NHS: variants seen among roughly 807,000 people sequenced by gnomAD.
NHS encodes actin remodeling regulator NHS.
A neutral mutation model predicts 72.5 loss-of-function variants in NHS; 5 were observed. The ratio of observed to expected loss-of-function variants is 0.07; its 90% CI spans 0.04 to 0.14. The LOEUF (loss-of-function observed/expected upper bound fraction) is 0.14. NHS is among the 10% of genes least tolerant of loss of function. The pLI is 1.00. For missense variants in NHS, 1,072 were observed against 1,355.7 expected (o/e 0.79, Z 3.29); for synonymous variants, 464 against 547.7 (o/e 0.85, Z 2.13).
chrX:17,529,396 G>C (rs866844659), intron 1 of NHS, among the ~76,000 whole-genome samples: 3 of 111,867 alleles, frequency 2.7e-5, no homozygotes, highest in Non-Finnish European at 5.6e-5. Context: ...TATATGAAGA[G>C]CAATCAAAAG....
intron 1 of NHS, among the ~76,000 whole-genome samples, chrX:17,551,168 G>A (rs2065334215): frequency 9.0e-6 from 1 of 111,554 alleles, no homozygotes; most frequent in Admixed American, 9.5e-5. Flanking sequence ...TGTATTTTGT[G>A]TATGAGTTTT....
At chrX:17,452,466 T>C (rs1990383904) in intron 1 of NHS, among the ~76,000 whole-genome samples, 1 of 110,064 alleles carries the variant, frequency 9.1e-6, no homozygotes, top group Non-Finnish European at 1.9e-5. Context: ...TACTCCACCA[T>C]TCCCTGGGCT....
intron 1 of NHS, among the ~76,000 whole-genome samples, chrX:17,487,296 C>T: frequency 8.9e-6 from 1 of 112,002 alleles, no homozygotes; most frequent in Non-Finnish European, 1.9e-5. Context: ...GCAGGAATTC[C>T]ACTCTTGTGA....
At chrX:17,728,477 G>A in intron 7 of NHS, 149 bp downstream of exon 7, 2 of 882,101 alleles carry the variant, frequency 2.3e-6, no homozygotes, top group Non-Finnish European at 3.3e-6. Context: ...TGAGATAAAA[G>A]CTTTTGTTAC....
At chrX:17,516,579 A>G (rs989173094) in intron 1 of NHS, among the ~76,000 whole-genome samples, 192 of 106,997 alleles carry the variant, frequency 1.8e-3, no homozygotes, top group African/African-American at 6.7e-3. Context: ...GCGCACACAC[A>G]CACACACACA....
chrX:17,708,848 T>C (rs985171035), intron 3 of NHS, among the ~76,000 whole-genome samples: 4 of 111,338 alleles, frequency 3.6e-5, no homozygotes, highest in African/African-American at 1.3e-4. Flanking sequence ...AGGCCAGATA[T>C]TGAAGGATCT....
intron 1 of NHS, among the ~76,000 whole-genome samples, chrX:17,448,479 C>G (rs2064792047): frequency 8.9e-6 from 1 of 111,942 alleles, no homozygotes. Context: ...CCCACTGTGG[C>G]TGGGGGCCCA....
At chrX:17,486,050 C>T (rs2064966195) in intron 1 of NHS, among the ~76,000 whole-genome samples, 1 of 111,655 alleles carries the variant, frequency 9.0e-6, no homozygotes, top group Non-Finnish European at 1.9e-5. Context: ...GATTTCACTG[C>T]AGGAACTAAA....
chrX:17,514,604 C>T (rs778370411), intron 1 of NHS, among the ~76,000 whole-genome samples: 1 of 111,929 alleles, frequency 8.9e-6, no homozygotes, highest in East Asian at 2.8e-4. Context: ...AGGACTTCAC[C>T]TTGTGATCAT....
intron 1 of NHS, among the ~76,000 whole-genome samples, chrX:17,679,072 A>G (rs1276947564): frequency 9.0e-6 from 1 of 110,836 alleles, no homozygotes; most frequent in Non-Finnish European, 1.9e-5. Context: ...CTCTTCTAAA[A>G]TATCATCAGG....
At chrX:17,706,967 C>G (rs1179614749) in intron 3 of NHS, among the ~76,000 whole-genome samples, 1 of 112,182 alleles carries the variant, frequency 8.9e-6, no homozygotes. Flanking sequence ...TGAGTCCACA[C>G]AGCCACTACT....
chrX:17,516,267 G>A (rs370005157), intron 1 of NHS, among the ~76,000 whole-genome samples: 40 of 111,415 alleles, frequency 3.6e-4, no homozygotes, highest in African/African-American at 1.3e-3. Flanking sequence ...TGTGACAACT[G>A]GCCACCATAT....
At chrX:17,664,852 A>G (rs2066002306) in intron 1 of NHS, among the ~76,000 whole-genome samples, 1 of 111,442 alleles carries the variant, frequency 9.0e-6, no homozygotes. Context: ...ATAGCTTTTG[A>G]TCATATAGGT....
chrX:17,680,174 T>C (rs757138465), intron 1 of NHS, among the ~76,000 whole-genome samples: 7 of 112,482 alleles, frequency 6.2e-5, no homozygotes, highest in Admixed American at 5.6e-4. Flanking sequence ...AAGTGTTTTT[T>C]TTCCCCTCCT....
intron 1 of NHS, among the ~76,000 whole-genome samples, chrX:17,544,818 T>C (rs771304791): frequency 8.9e-6 from 1 of 112,864 alleles, no homozygotes; most frequent in East Asian, 2.8e-4. Context: ...CAGACAACAC[T>C]TTATTTATTA....
chrX:17,719,564 TA>T (rs1406225979), intron 4 of NHS, among the ~76,000 whole-genome samples, 158 bp downstream of exon 4: 1 of 111,796 alleles, frequency 8.9e-6, no homozygotes. Flanking sequence ...TAACTTGAAT[TA>T]AATAGAATAT....
intron 1 of NHS, among the ~76,000 whole-genome samples, chrX:17,492,307 G>A (rs2064995583): frequency 8.9e-6 from 1 of 112,206 alleles, no homozygotes; most frequent in Non-Finnish European, 1.9e-5. Flanking sequence ...TGCTTTAGCT[G>A]TGTGCCACAG....
intron 1 of NHS, among the ~76,000 whole-genome samples, chrX:17,448,679 C>G (rs189198856): frequency 3.6e-4 from 40 of 111,871 alleles, no homozygotes; most frequent in Middle Eastern, 4.6e-3. Flanking sequence ...TTACTTTGAT[C>G]TCTTGCCTCT....
intron 1 of NHS, among the ~76,000 whole-genome samples, chrX:17,499,436 C>T (rs2065027559): frequency 1.8e-5 from 2 of 111,922 alleles, no homozygotes; most frequent in African/African-American, 6.5e-5. Context: ...GCACAACCCA[C>T]CACTAACTGC....
Sources: allele counts gnomAD v4.1 joint callset (sites outside exome capture counted in the v4.1 genomes callset), GRCh38; gene constraint gnomAD v4.1.1; transcripts MANE v1.5; gene names NCBI Gene and HGNC (gene_info 2026-07-23, HGNC 2026-07-21).